The following SVOP variants were observed in gnomAD, a reference collection of about 807,000 sequenced individuals.
SVOP encodes synaptic vesicle 2-related protein.
SVOP carries 17 observed loss-of-function variants against 69.1 expected under a neutral mutation model. That is an observed-to-expected ratio of 0.25 (90% confidence interval 0.17 to 0.37). SVOP has a LOEUF of 0.37. SVOP is among the 10% of genes least tolerant of loss of function. The probability of loss-of-function intolerance (pLI) is 1.00; values close to 1 mark genes in which losing one functional copy is unlikely to be tolerated. For synonymous variants in SVOP, 238 were observed against 238.6 expected (o/e 1.00, Z 0.02); for missense variants, 435 against 597.5 (o/e 0.73, Z 2.84).
At chr12:109,019,881 AT>A (rs1053708944) in intron 1 of SVOP, among the ~76,000 whole-genome samples, 2 of 152,220 alleles carry the variant, frequency 1.3e-5, no homozygotes, top group East Asian at 1.9e-4. Flanking sequence ...ATAGAAAAAA[AT>A]AATCCACCAT....
intron 15 of SVOP, among the ~76,000 whole-genome samples, chr12:108,913,162 T>G (rs1405766584): frequency 2.0e-5 from 3 of 151,948 alleles, no homozygotes; most frequent in Admixed American, 2.0e-4. Context: ...ACCTCCGCCT[T>G]CAGGGTTCAA....
chr12:108,973,461 G>A lies in SVOP; in HGVS notation c.382-985C>T, dbSNP rs181633142. On this transcript the variant is annotated intron_variant, in intron 4 of 15. Transcript: ENST00000610966. Reference sequence around the variant, plus strand: ...GGCTGGAGTGCAGTGGTATGGTCATGGTTCACTGCAGCCTCAGCCTCCTGG... The same window carrying A: ...GGCTGGAGTGCAGTGGTATGGTCATAGTTCACTGCAGCCTCAGCCTCCTGG... 2.4e-3 allele frequency among the ~76,000 whole-genome samples: 363 copies of A among 152,222 alleles called. 3 individuals are homozygous for A. The highest frequency in any genetic ancestry group is 2.7e-3 in the East Asian group (14 of 5,182).
intron 9 of SVOP, 65 bp downstream of exon 9, chr12:108,938,762 T>C (rs1212137735): frequency 6.2e-7 from 1 of 1,609,028 alleles, no homozygotes; most frequent in Admixed American, 1.7e-5. Context: ...CTACTCCATA[T>C]GCACACACTC....
At position 108,922,760 on chromosome 12, in the gene SVOP, G is replaced by T; in HGVS notation, c.1086C>A (p.Ser362Arg). Residue 362 changes from serine (S) to arginine (R), a missense_variant, in exon 12 of 16, where the codon AGC (serine) becomes AGA (arginine). Ser to Arg is a moderately radical substitution (Grantham distance 110, BLOSUM62 -1). Transcript: ENST00000610966. ...SRKKAVEAKC[S>R]LACEYLSEED... ...CCTCACTCAGGTACTCGCAGGCCAG[G>T]CTGCATTTTGCCTCTACAGCCTTCT... 6.2e-7 allele frequency: 1 copy of T among 1,611,054 alleles called. No individual in the cohort carries two copies. The highest frequency in any genetic ancestry group is 8.5e-7 in the Non-Finnish European group (1 of 1,178,898).
chr12:108,936,709 C>T (rs1367943803), intron 10 of SVOP, among the ~76,000 whole-genome samples: 5 of 152,150 alleles, frequency 3.3e-5, no homozygotes, highest in South Asian at 4.1e-4. Context: ...CTGCTGGCCT[C>T]GAGAGATATT....
At chr12:108,959,725 G>A (rs971094102) in intron 6 of SVOP, among the ~76,000 whole-genome samples, 2 of 152,106 alleles carry the variant, frequency 1.3e-5, no homozygotes, top group African/African-American at 4.8e-5. Context: ...CCTCAGCTAC[G>A]GCTTCCTCTT....
chr12:108,915,536 G>C (rs1252089248), intron 15 of SVOP, among the ~76,000 whole-genome samples: 66 of 152,138 alleles, frequency 4.3e-4, no homozygotes, highest in Non-Finnish European at 2.9e-5. Context: ...TTCTTCACAG[G>C]GAAGACCTGG....
At chr12:109,006,448 A>C (rs921918674) in intron 1 of SVOP, among the ~76,000 whole-genome samples, 2 of 152,184 alleles carry the variant, frequency 1.3e-5, no homozygotes, top group African/African-American at 2.4e-5. Flanking sequence ...ATACTCTGTC[A>C]TACTTACAGA....
At chr12:108,988,217 G>A (rs1313281224) in intron 1 of SVOP, among the ~76,000 whole-genome samples, 1 of 152,038 alleles carries the variant, frequency 6.6e-6, no homozygotes, top group Non-Finnish European at 1.5e-5. Flanking sequence ...GAGCCACCAC[G>A]CCAGGCCAAA....
chr12:108,982,872 T>TATCATCATCATCACCACCATCATCAC (rs2040147677), intron 2 of SVOP, among the ~76,000 whole-genome samples: 1 of 142,572 alleles, frequency 7.0e-6, no homozygotes, highest in Admixed American at 7.7e-5. Context: ...ACCATCATCA[T>TATCATCATCATCACCACCATCATCAC]CATCACTATC....
Position 108,918,245 on chromosome 12 carries a change from C to T in SVOP, c.1269-121G>A, listed in dbSNP as rs183426421. 17 of 631,706 alleles carry T rather than the reference C, an allele frequency of 2.7e-5. No individual in the cohort carries two copies. In the East Asian group the frequency reaches 4.6e-4, roughly 17 times the overall value. 39.1% of individuals were successfully genotyped at this position (631,706 alleles called of 1,614,324 possible). The stretch of plus-strand genomic sequence containing the variant: ...TGGCAAAGGTTACCCCTCCCCGATG[C>T]TCATTGATACAGACATGCAGGCACA... On this transcript the variant is annotated intron_variant, in intron 13 of 15. Transcript: ENST00000610966.
At chr12:109,010,516 A>G (rs913784876) in intron 1 of SVOP, among the ~76,000 whole-genome samples, 2 of 151,970 alleles carry the variant, frequency 1.3e-5, no homozygotes, top group South Asian at 4.2e-4. Context: ...TGTGGTTTTT[A>G]TTTTGTTTGG....
rs1486671100 is a variant in SVOP, at chr12:108,961,041, T to C, written c.460A>G (p.Lys154Glu). The C allele has an allele frequency of 6.5e-7, 1 of 1,535,804 alleles. No individual in the cohort carries two copies. Among genetic ancestry groups the C allele is most frequent in the Non-Finnish European group, 8.7e-7 (1 of 1,145,952 alleles). The part of the protein sequence containing the change: ...SDQYGRKTGL[K>E]ISVLWTLYYG... Reference sequence around the variant, plus strand: ...TACAGAGTCCACAGCACGCTGATCTTCAGCCCCTGAAGAGAAGGAAGACAC... The same window carrying C: ...TACAGAGTCCACAGCACGCTGATCTCCAGCCCCTGAAGAGAAGGAAGACAC... The change falls in exon 6 of 16, where the codon AAG becomes GAG. Residue 154 changes from lysine (K) to glutamate (E), a missense_variant. By Grantham distance (56) the Lys-to-Glu change is moderately conservative. Transcript: ENST00000610966.
At chr12:109,003,711 G>A (rs1467149644) in intron 1 of SVOP, among the ~76,000 whole-genome samples, 1 of 152,142 alleles carries the variant, frequency 6.6e-6, no homozygotes, top group African/African-American at 2.4e-5. Context: ...GGGCTCAAGC[G>A]ATCCTCCTGC....
At chr12:108,931,726 C>T (rs550510904) in intron 11 of SVOP, among the ~76,000 whole-genome samples, 17 of 151,882 alleles carry the variant, frequency 1.1e-4, no homozygotes, top group Middle Eastern at 3.4e-3. Context: ...CCCAGCTACT[C>T]GGGAGGCTGA....
chr12:108,926,247 C>G (rs945113931), intron 11 of SVOP, among the ~76,000 whole-genome samples: 3 of 152,106 alleles, frequency 2.0e-5, no homozygotes, highest in Non-Finnish European at 4.4e-5. Context: ...TTCATGAGTA[C>G]CCAATGTTTA....
chr12:108,912,906 C>T (rs1308258199), intron 15 of SVOP, among the ~76,000 whole-genome samples, 165 bp from the exon 16 acceptor site: 2 of 152,058 alleles, frequency 1.3e-5, no homozygotes, highest in African/African-American at 4.8e-5. Context: ...CTCCTTGTGA[C>T]ACGCCTGCCC....
At chr12:108,937,394 G>T (rs548490355) in intron 9 of SVOP, 57 bp from the exon 10 acceptor site, 2 of 1,529,504 alleles carry the variant, frequency 1.3e-6, no homozygotes, top group African/African-American at 2.7e-5. Flanking sequence ...CACGGGAGAT[G>T]GGCTGGTGGC....
intron 7 of SVOP, among the ~76,000 whole-genome samples, chr12:108,941,665 T>C (rs959300890): frequency 1.3e-5 from 2 of 152,080 alleles, no homozygotes; most frequent in Non-Finnish European, 2.9e-5. Flanking sequence ...TGCCCATTTT[T>C]TTTTTTCTTT....
Sources: allele counts gnomAD v4.1 joint callset (sites outside exome capture counted in the v4.1 genomes callset), GRCh38; gene constraint gnomAD v4.1.1; transcripts MANE v1.5; gene names NCBI Gene and HGNC (gene_info 2026-07-23, HGNC 2026-07-21).